OLFM3: variants seen among roughly 807,000 people sequenced by gnomAD.
OLFM3 encodes the protein noelin-3.
Under a neutral mutation model 48.6 loss-of-function variants are expected in OLFM3, and 20 were observed. That is an observed-to-expected ratio of 0.41 (90% CI 0.29 to 0.60). OLFM3 has a LOEUF of 0.60. Ranked by LOEUF, OLFM3 falls within the 20% of genes least tolerant of loss-of-function variation. OLFM3 has a pLI of 0.28. For synonymous variants in OLFM3, 222 were observed against 198.1 expected (o/e 1.12, Z -1.01); for missense variants, 437 against 544.3 (o/e 0.80, Z 1.96).
At chr1:101,857,851 G>A (rs1449165346) in intron 1 of OLFM3, among the ~76,000 whole-genome samples, 1 of 151,990 alleles carries the variant, frequency 6.6e-6, no homozygotes, top group Non-Finnish European at 1.5e-5. Flanking sequence ...TAGGCCGTAT[G>A]GCTGCAATTT....
At chr1:101,956,977 C>G (rs983412152) in intron 1 of OLFM3, among the ~76,000 whole-genome samples, 3 of 151,658 alleles carry the variant, frequency 2.0e-5, no homozygotes, top group Non-Finnish European at 3.0e-5. Flanking sequence ...CCTAGGATCT[C>G]TAATAGCAGA....
chr1:101,816,180 C>T (rs1654328140), intron 4 of OLFM3, among the ~76,000 whole-genome samples: 1 of 152,028 alleles, frequency 6.6e-6, no homozygotes. Context: ...GTGTGGTGAT[C>T]CCAGAAAATG....
chr1:101,837,284 T>A (rs1053038374), intron 1 of OLFM3, among the ~76,000 whole-genome samples: 2 of 152,202 alleles, frequency 1.3e-5, no homozygotes, highest in African/African-American at 2.4e-5. Flanking sequence ...TCTCATACTA[T>A]TTCCCAATGC....
Position 101,945,442 on chromosome 1 carries a change from T to G in OLFM3, c.69+51306A>C, listed in dbSNP as rs1570653918. On this transcript the variant is annotated intron_variant, in intron 1 of 5. Transcript: ENST00000370103. ...GTATGATTCCATTTATCTAAGATTC[T>G]AGAAAATATAAACTAATTATAGTTG... Among the ~76,000 whole-genome samples the G allele has an allele frequency of 3.9e-5, 6 of 152,276 alleles. No individual in the cohort carries two copies. The South Asian group carries it at 1.2e-3, about 32-fold the overall frequency.
intron 1 of OLFM3, among the ~76,000 whole-genome samples, chr1:101,993,475 C>T (rs1034631353): frequency 2.6e-5 from 4 of 152,008 alleles, no homozygotes; most frequent in African/African-American, 9.7e-5. Context: ...TACAGGCTTT[C>T]GGTGTTTGAA....
At chr1:101,922,143 A>T (rs1659116285) in intron 1 of OLFM3, among the ~76,000 whole-genome samples, 1 of 152,112 alleles carries the variant, frequency 6.6e-6, no homozygotes, top group Admixed American at 6.5e-5. Context: ...CTTATGTGAA[A>T]CCAACTCCAT....
In OLFM3 at chr1:101,893,941, A is replaced by T. The variant is rs945880092; in HGVS notation, c.70-56916T>A. 3.3e-5 allele frequency: 5 copies of T among 153,730 alleles called. No individual in the cohort carries two copies. In the Admixed American group the frequency reaches 3.3e-4, roughly 10 times the overall value. The allele number at this position is 153,730 out of a possible 1,614,324, so 9.5% of individuals were successfully genotyped here. ...TGGACTTTGATTCAAATCAGGAAAG[A>T]TGATGCTGATGCCACTACAGTGCAG... On this transcript the variant is annotated intron_variant, in intron 1 of 5. Transcript: ENST00000370103.
rs76667190 is a variant in OLFM3, at chr1:101,935,798, C to G, written c.69+60950G>C. 7.7e-3 allele frequency among the ~76,000 whole-genome samples: 1,177 copies of G among 152,056 alleles called. 10 individuals are homozygous for G. Among genetic ancestry groups the G allele is most frequent in the Non-Finnish European group, 0.013 (875 of 67,940 alleles). ...CTACCATGATCAGGTAGACTTTAAC[C>G]CTAGGATACAAGATTAAACATACAC... is the stretch of plus-strand genomic sequence containing the variant. On this transcript the variant is annotated intron_variant, in intron 1 of 5. Transcript: ENST00000370103.
At chr1:101,916,738 A>G (rs1179156113) in intron 1 of OLFM3, among the ~76,000 whole-genome samples, 1 of 152,182 alleles carries the variant, frequency 6.6e-6, no homozygotes, top group African/African-American at 2.4e-5. Flanking sequence ...CTTTTTAAAC[A>G]TAAATCATTA....
chr1:101,931,158 C>T (rs1659432837), intron 1 of OLFM3, among the ~76,000 whole-genome samples: 1 of 152,128 alleles, frequency 6.6e-6, no homozygotes, highest in African/African-American at 2.4e-5. Flanking sequence ...AATAAACTGT[C>T]TCTGTAGTTC....
chr1:101,883,643 T>C (rs945251582), intron 1 of OLFM3, among the ~76,000 whole-genome samples: 3 of 151,978 alleles, frequency 2.0e-5, no homozygotes, highest in African/African-American at 7.2e-5. Flanking sequence ...CTGGGAACAA[T>C]ATCAATTTTA....
chr1:101,812,651 A>G, intron 4 of OLFM3: 1 of 985,796 alleles, frequency 1.0e-6, no homozygotes, highest in Non-Finnish European at 1.2e-6. Context: ...TGGTGCTTGA[A>G]TCTAATCCAG....
At chr1:101,960,095 TTATG>T (rs1660423490) in intron 1 of OLFM3, among the ~76,000 whole-genome samples, 1 of 152,084 alleles carries the variant, frequency 6.6e-6, no homozygotes, top group African/African-American at 2.4e-5. Context: ...ATTACGAGGC[TTATG>T]GAGGAAACGG....
chr1:101,908,116 C>T (rs1658612909), intron 1 of OLFM3, among the ~76,000 whole-genome samples: 1 of 152,134 alleles, frequency 6.6e-6, no homozygotes, highest in South Asian at 2.1e-4. Context: ...GGATCTGCCT[C>T]CATAATTTCG....
At chr1:101,807,492 C>T (rs1306344704) in intron 4 of OLFM3, among the ~76,000 whole-genome samples, 1 of 151,636 alleles carries the variant, frequency 6.6e-6, no homozygotes. Context: ...AGAACACATA[C>T]CCAAAGCAAA....
At chr1:101,869,083 G>GT (rs1557709130) in intron 1 of OLFM3, among the ~76,000 whole-genome samples, 2 of 152,204 alleles carry the variant, frequency 1.3e-5, no homozygotes, top group East Asian at 3.9e-4. Context: ...TGGGGTCAGA[G>GT]CCCCACACAG....
intron 1 of OLFM3, among the ~76,000 whole-genome samples, chr1:101,839,790 T>G (rs1187469372): frequency 6.6e-6 from 1 of 152,172 alleles, no homozygotes; most frequent in Non-Finnish European, 1.5e-5. Context: ...CCCTGAAGTG[T>G]CAGTTCAATA....
intron 1 of OLFM3, among the ~76,000 whole-genome samples, chr1:101,980,261 G>A (rs928335344): frequency 3.3e-5 from 5 of 152,138 alleles, no homozygotes; most frequent in Non-Finnish European, 7.4e-5. Flanking sequence ...GGCATGATTG[G>A]TTTTGAAATA....
intron 4 of OLFM3, among the ~76,000 whole-genome samples, chr1:101,811,039 A>G (rs907150222): frequency 2.6e-5 from 4 of 151,890 alleles, no homozygotes; most frequent in African/African-American, 7.2e-5. Flanking sequence ...ACTTAAAAAT[A>G]TTTTAAAAAT....
Sources: gnomAD v4.1 joint callset for allele counts (sites outside exome capture counted in the v4.1 genomes callset) on GRCh38, gnomAD v4.1.1 for gene constraint, MANE v1.5 for transcripts, NCBI Gene and HGNC (gene_info 2026-07-23, HGNC 2026-07-21) for gene names.